SNX14: variants seen among roughly 807,000 people sequenced by gnomAD.
SNX14 encodes sorting nexin-14.
Under a neutral mutation model 133.8 loss-of-function variants are expected in SNX14, and 93 were observed. The observed-to-expected ratio is 0.70, with a 90% CI of 0.59 to 0.83. SNX14 has a LOEUF of 0.83. Ranked by LOEUF, SNX14 falls within the 40% of genes least tolerant of loss-of-function variation. SNX14 has a pLI of 0.00. For missense variants in SNX14, 945 were observed against 1,094.9 expected (o/e 0.86, Z 1.93); for synonymous variants, 368 against 365.6 (o/e 1.01, Z -0.07).
chr6:85,585,870 C>T (rs926550321), intron 1 of SNX14, among the ~76,000 whole-genome samples: 3 of 151,432 alleles, frequency 2.0e-5, no homozygotes, highest in East Asian at 3.9e-4. Context: ...GACACAGTAT[C>T]GGTGGACATT....
intron 21 of SNX14, among the ~76,000 whole-genome samples, chr6:85,521,767 T>C (rs886482888): frequency 6.6e-6 from 1 of 152,248 alleles, no homozygotes; most frequent in African/African-American, 2.4e-5. Context: ...TTGTCTATTT[T>C]TGTTTTGTTG....
At chr6:85,547,874 C>T (rs1786245784) in intron 9 of SNX14, among the ~76,000 whole-genome samples, 1 of 152,086 alleles carries the variant, frequency 6.6e-6, no homozygotes, top group Non-Finnish European at 1.5e-5. Flanking sequence ...AACAGATAAG[C>T]AAAACATGTT....
intron 26 of SNX14, chr6:85,508,320 TAAA>T (rs765165360): frequency 0.013 from 11,240 of 841,644 alleles, no homozygotes; most frequent in Middle Eastern, 0.015. Flanking sequence ...AATGCTGCAG[TAAA>T]AAAAAAAAAA....
intron 18 of SNX14, among the ~76,000 whole-genome samples, chr6:85,532,778 A>T (rs950649818): frequency 6.6e-6 from 1 of 152,212 alleles, no homozygotes; most frequent in African/African-American, 2.4e-5. Context: ...ATCCTGCTAC[A>T]TACAGATACT....
chr6:85,562,103 G>A (rs9450299), intron 6 of SNX14, among the ~76,000 whole-genome samples: 17,961 of 152,144 alleles, frequency 0.12, 1,650 homozygotes, highest in African/African-American at 0.26. Flanking sequence ...TGCAATATTT[G>A]ATTTTATGTT....
At chr6:85,552,149 G>A (rs1193719478) in intron 7 of SNX14, among the ~76,000 whole-genome samples, 1 of 145,252 alleles carries the variant, frequency 6.9e-6, no homozygotes. Flanking sequence ...CCATTCTCCT[G>A]CCTCAGCCTC....
At chr6:85,555,819 A>G (rs184543057) in intron 7 of SNX14, among the ~76,000 whole-genome samples, 5 of 152,118 alleles carry the variant, frequency 3.3e-5, no homozygotes, top group Admixed American at 2.0e-4. Flanking sequence ...GTGAAACCTC[A>G]TCTCTACTAA....
chr6:85,558,188 C>G (rs573778558), intron 6 of SNX14, 128 bp from the exon 7 acceptor site: 23 of 572,392 alleles, frequency 4.0e-5, no homozygotes, highest in Non-Finnish European at 6.7e-5. Flanking sequence ...AAAAATAACA[C>G]TTTATATTCC....
intron 1 of SNX14, among the ~76,000 whole-genome samples, chr6:85,590,702 T>C (rs1802505633): frequency 6.6e-6 from 1 of 152,246 alleles, no homozygotes; most frequent in East Asian, 1.9e-4. Flanking sequence ...ACTTCACTTG[T>C]TTTTGAATAG....
At chr6:85,557,379 G>A (rs1168168320) in intron 7 of SNX14, among the ~76,000 whole-genome samples, 1 of 152,090 alleles carries the variant, frequency 6.6e-6, no homozygotes, top group Non-Finnish European at 1.5e-5. Context: ...AAGAAGGAAA[G>A]GAGGAAAGGA....
chr6:85,507,583 C>A (rs1259684933), intron 27 of SNX14, among the ~76,000 whole-genome samples: 1 of 152,080 alleles, frequency 6.6e-6, no homozygotes, highest in Non-Finnish European at 1.5e-5. Context: ...AAAATCACAA[C>A]TGTATTGAGA....
chr6:85,524,668 C>A (rs1778017085), intron 21 of SNX14, among the ~76,000 whole-genome samples: 1 of 151,888 alleles, frequency 6.6e-6, no homozygotes, highest in South Asian at 2.1e-4. Flanking sequence ...CCTGTAATCC[C>A]AGCTACTTGG....
intron 26 of SNX14, among the ~76,000 whole-genome samples, chr6:85,508,824 G>GA (rs1291640310): frequency 2.0e-5 from 3 of 151,472 alleles, no homozygotes; most frequent in Non-Finnish European, 4.4e-5. Flanking sequence ...TCCCTAAGCA[G>GA]AAAAAAAAGA....
intron 25 of SNX14, 84 bp downstream of exon 25, chr6:85,513,986 C>T: frequency 1.3e-6 from 2 of 1,557,762 alleles, no homozygotes; most frequent in Non-Finnish European, 1.7e-6. Context: ...TAAACCAAAG[C>T]AAAACAAGAT....
intron 7 of SNX14, among the ~76,000 whole-genome samples, chr6:85,552,097 C>T (rs1051555458): frequency 7.6e-6 from 1 of 131,780 alleles, no homozygotes; most frequent in Non-Finnish European, 1.5e-5. Context: ...AGTGCAGTGG[C>T]GGGATCTCGG....
chr6:85,548,972 T>C (rs963651539), intron 8 of SNX14, among the ~76,000 whole-genome samples: 1 of 66,890 alleles, frequency 1.5e-5, no homozygotes, highest in Admixed American at 1.9e-4. Flanking sequence ...GTCTCAAAAA[T>C]AATTAAAAAA....
chr6:85,523,314 C>T (rs1737729398), intron 21 of SNX14, among the ~76,000 whole-genome samples: 1 of 152,038 alleles, frequency 6.6e-6, no homozygotes, highest in Admixed American at 6.6e-5. Context: ...ATAAGATAAA[C>T]TGATAGAGAG....
intron 4 of SNX14, among the ~76,000 whole-genome samples, chr6:85,569,839 T>C (rs531602861): frequency 6.6e-6 from 1 of 152,324 alleles, no homozygotes; most frequent in African/African-American, 2.4e-5. Context: ...ATACAGTAAG[T>C]AAATCATTAA....
intron 5 of SNX14, among the ~76,000 whole-genome samples, chr6:85,566,864 A>G (rs567469709): frequency 6.6e-6 from 1 of 152,302 alleles, no homozygotes; most frequent in Admixed American, 6.5e-5. Context: ...ATTAAATGAT[A>G]TAAGTTGGAT....
Sources: allele counts gnomAD v4.1 joint callset (sites outside exome capture counted in the v4.1 genomes callset), GRCh38; gene constraint gnomAD v4.1.1; transcripts MANE v1.5; gene names NCBI Gene and HGNC (gene_info 2026-07-23, HGNC 2026-07-21).